The following VRK2 variants were observed in gnomAD, a reference collection of about 807,000 sequenced individuals.
VRK2 encodes the protein serine/threonine-protein kinase VRK2.
A neutral mutation model predicts 57.6 loss-of-function variants in VRK2; 60 were observed. The observed-to-expected ratio is 1.04, with a 90% CI of 0.85 to 1.29. VRK2 has a LOEUF of 1.29. Ranked by LOEUF, VRK2 falls within the 50% of genes most tolerant of loss-of-function variation. The pLI is 0.00. For missense variants in VRK2, 705 were observed against 588.1 expected, an observed-to-expected ratio of 1.20 and a Z score of -2.06; for synonymous variants, 231 against 199.2, an observed-to-expected ratio of 1.16 and a Z score of -1.35.
chr2:57,933,180 T>C (rs1403316647), intron 1 of VRK2, among the ~76,000 whole-genome samples: 2 of 152,130 alleles, frequency 1.3e-5, no homozygotes, highest in Non-Finnish European at 1.5e-5. Context: ...ATATGTCTTT[T>C]GGGTCTAAAG....
intron 1 of VRK2, among the ~76,000 whole-genome samples, chr2:57,917,973 T>C (rs1572857825): frequency 6.6e-6 from 1 of 152,100 alleles, no homozygotes; most frequent in East Asian, 1.9e-4. Flanking sequence ...TTTGGTAAGG[T>C]TGATCATTTC....
intron 12 of VRK2, among the ~76,000 whole-genome samples, chr2:58,157,938 C>T (rs1384698441): frequency 6.6e-6 from 1 of 152,166 alleles, no homozygotes; most frequent in Non-Finnish European, 1.5e-5. Context: ...ATTTTGGCAA[C>T]TCCTGTTATA....
At chr2:58,017,453 T>C (rs1326756381) in intron 1 of VRK2, among the ~76,000 whole-genome samples, 1 of 152,228 alleles carries the variant, frequency 6.6e-6, no homozygotes. Flanking sequence ...CTAGTTATTA[T>C]GGTCCCCAAT....
chr2:57,944,687 G>T (rs1671204333), intron 1 of VRK2, among the ~76,000 whole-genome samples: 1 of 151,372 alleles, frequency 6.6e-6, no homozygotes, highest in Admixed American at 6.6e-5. Flanking sequence ...AGTGAGCCGA[G>T]ATCGTGCCAC....
At chr2:58,033,847 C>A (rs1457200986) in intron 3 of VRK2, among the ~76,000 whole-genome samples, 1 of 152,014 alleles carries the variant, frequency 6.6e-6, no homozygotes, top group Non-Finnish European at 1.5e-5. Context: ...AGAGAGCCAT[C>A]TGTGCTTTCC....
At chr2:58,078,899 C>T (rs1360340142) in intron 2 of VRK2, among the ~76,000 whole-genome samples, 1 of 152,106 alleles carries the variant, frequency 6.6e-6, no homozygotes, top group African/African-American at 2.4e-5. Flanking sequence ...GTCTTAAACT[C>T]CTGGGCTCAG....
chr2:58,080,458 C>T lies in VRK2; in HGVS notation c.137-3631C>T, dbSNP rs72618692. ...ATACATTATGGGACTGTATTAAAAT[C>T]TTTCACTATTTTTGTTGCAATGTTG... On this transcript the variant is annotated intron_variant, in intron 2 of 12. Transcript: ENST00000340157. 2.6e-3 allele frequency among the ~76,000 whole-genome samples: 389 copies of T among 151,894 alleles called. 14 individuals are homozygous for T. In the East Asian group the frequency reaches 0.065, roughly 25 times the overall value.
chr2:58,088,320 T>G, intron 5 of VRK2, 21 bp from the exon 6 acceptor site: 7 of 1,522,208 alleles, frequency 4.6e-6, no homozygotes, highest in Non-Finnish European at 5.4e-6. Context: ...ATGATCTCTT[T>G]TTGATGCTTT....
At chr2:58,068,420 A>G (rs1026927215) in intron 2 of VRK2, among the ~76,000 whole-genome samples, 26 of 152,236 alleles carry the variant, frequency 1.7e-4, no homozygotes, top group African/African-American at 6.3e-4. Flanking sequence ...TCCCCTATAC[A>G]TAATGCATTG....
intron 7 of VRK2, among the ~76,000 whole-genome samples, chr2:58,111,360 C>G (rs897741853): frequency 6.6e-6 from 1 of 152,096 alleles, no homozygotes; most frequent in Non-Finnish European, 1.5e-5. Flanking sequence ...ATCTCTGTGT[C>G]AAGGTGAAGG....
At chr2:57,942,252 C>T (rs534970597) in intron 1 of VRK2, among the ~76,000 whole-genome samples, 16 of 152,172 alleles carry the variant, frequency 1.1e-4, no homozygotes, top group Admixed American at 6.5e-4. Flanking sequence ...GTCTTCTGTA[C>T]ATAATATATT....
chr2:57,993,295 A>G (rs1029302385), intron 1 of VRK2, among the ~76,000 whole-genome samples: 14 of 152,184 alleles, frequency 9.2e-5, no homozygotes, highest in African/African-American at 3.4e-4. Context: ...GGTACTTAAC[A>G]TCATAAAAGT....
chr2:58,141,454 C>T (rs1174646234), intron 11 of VRK2, among the ~76,000 whole-genome samples: 3 of 151,842 alleles, frequency 2.0e-5, no homozygotes, highest in African/African-American at 7.3e-5. Context: ...GAGCCTCCAT[C>T]AAGAATATTT....
chr2:58,046,523 C>T (rs1252852856), upstream of VRK2: 1 of 985,428 alleles, frequency 1.0e-6, no homozygotes, highest in African/African-American at 1.7e-5. Flanking sequence ...TTATTTCGTA[C>T]CAAACTGGTC....
chr2:57,974,176 T>C (rs919346959), intron 1 of VRK2, among the ~76,000 whole-genome samples: 1 of 152,008 alleles, frequency 6.6e-6, no homozygotes, highest in African/African-American at 2.4e-5. Context: ...TTTTTATATT[T>C]ATTTAAAGCT....
At chr2:57,936,225 T>A (rs915734155) in intron 1 of VRK2, among the ~76,000 whole-genome samples, 1 of 152,246 alleles carries the variant, frequency 6.6e-6, no homozygotes, top group Non-Finnish European at 1.5e-5. Flanking sequence ...TCCAGCTTAC[T>A]TGCAATTTAT....
chr2:57,909,385 T>G (rs1263163792), intron 1 of VRK2, among the ~76,000 whole-genome samples: 2 of 152,164 alleles, frequency 1.3e-5, no homozygotes, highest in Non-Finnish European at 2.9e-5. Context: ...GATTAAGTAC[T>G]GCACTCTTTC....
At chr2:58,026,117 T>G (rs989172385) in intron 2 of VRK2, among the ~76,000 whole-genome samples, 1 of 152,148 alleles carries the variant, frequency 6.6e-6, no homozygotes, top group Non-Finnish European at 1.5e-5. Flanking sequence ...TGTCTCACAT[T>G]GTACTCTGTC....
intron 7 of VRK2, among the ~76,000 whole-genome samples, chr2:58,108,725 A>G (rs1387080574): frequency 3.9e-5 from 6 of 152,246 alleles, no homozygotes; most frequent in African/African-American, 1.4e-4. Context: ...GTAAAATTTC[A>G]TAGACTTTTA....
Sources: allele counts gnomAD v4.1 joint callset (sites outside exome capture counted in the v4.1 genomes callset), GRCh38; gene constraint gnomAD v4.1.1; transcripts MANE v1.5; gene names NCBI Gene and HGNC (gene_info 2026-07-23, HGNC 2026-07-21).